Variants in ADCY2 observed in about 807,000 individuals in gnomAD.
ADCY2 encodes the protein adenylate cyclase type 2.
In ADCY2, 31 loss-of-function variants were observed where a neutral mutation model predicts 125.2. That is an observed-to-expected ratio of 0.25 (90% CI 0.19 to 0.33). The LOEUF (loss-of-function observed/expected upper bound fraction) is 0.33. Ranked by LOEUF, ADCY2 falls within the 10% of genes least tolerant of loss-of-function variation. The pLI, the probability that ADCY2 is intolerant of heterozygous loss-of-function variation, is 1.00. For missense variants in ADCY2, 904 were observed against 1,418.2 expected (o/e 0.64, Z 5.82); for synonymous variants, 512 against 548.4 (o/e 0.93, Z 0.93).
At chr5:7,620,966 C>G (rs1035873602) in intron 3 of ADCY2, among the ~76,000 whole-genome samples, 4 of 151,950 alleles carry the variant, frequency 2.6e-5, no homozygotes, top group African/African-American at 9.7e-5. Flanking sequence ...TGCCCTCAGC[C>G]TGCAGGGTGC....
intron 4 of ADCY2, among the ~76,000 whole-genome samples, chr5:7,689,816 T>C (rs1182027425): frequency 6.6e-6 from 1 of 152,216 alleles, no homozygotes; most frequent in Non-Finnish European, 1.5e-5. Flanking sequence ...TGAATATCAG[T>C]TGCTAAACTC....
chr5:7,703,927 A>G (rs543056349), intron 7 of ADCY2, among the ~76,000 whole-genome samples: 1 of 151,532 alleles, frequency 6.6e-6, no homozygotes, highest in Non-Finnish European at 1.5e-5. Flanking sequence ...ACTTGAACCC[A>G]GGAGATGGAA....
intron 22 of ADCY2, among the ~76,000 whole-genome samples, chr5:7,806,607 GAGAGAGAGAGACAGAGAC>G (rs1197606691): frequency 6.6e-6 from 1 of 152,196 alleles, no homozygotes; most frequent in Non-Finnish European, 1.5e-5. Context: ...GGAGGGGAGA[GAGAGAGAGAGACAGAGAC>G]AGAGAGAGAG....
chr5:7,533,166 G>T (rs1370153071), intron 3 of ADCY2, among the ~76,000 whole-genome samples: 2 of 150,830 alleles, frequency 1.3e-5, no homozygotes, highest in Non-Finnish European at 3.0e-5. Context: ...TATTTTTCCT[G>T]TGAAAATATT....
At chr5:7,772,839 A>C in intron 17 of ADCY2, 93 bp from the exon 18 acceptor site, 1 of 1,240,070 alleles carries the variant, frequency 8.1e-7, no homozygotes, top group South Asian at 1.4e-5. Flanking sequence ...TATGTTGACC[A>C]GATGAGATGG....
At chr5:7,693,115 C>T (rs775675881) in intron 5 of ADCY2, among the ~76,000 whole-genome samples, 2 of 152,164 alleles carry the variant, frequency 1.3e-5, no homozygotes, top group African/African-American at 2.4e-5. Flanking sequence ...CAATGCCCCC[C>T]ACAACATCAA....
At chr5:7,570,788 T>C (rs888117496) in intron 3 of ADCY2, among the ~76,000 whole-genome samples, 1 of 152,176 alleles carries the variant, frequency 6.6e-6, no homozygotes, top group African/African-American at 2.4e-5. Flanking sequence ...AAATATTGTA[T>C]TGGTTTAACT....
At chr5:7,768,773 G>A (rs1743470953) in intron 17 of ADCY2, among the ~76,000 whole-genome samples, 1 of 152,214 alleles carries the variant, frequency 6.6e-6, no homozygotes, top group Non-Finnish European at 1.5e-5. Flanking sequence ...CTCAAATCTA[G>A]GTGGGATTTA....
intron 1 of ADCY2, among the ~76,000 whole-genome samples, chr5:7,397,457 T>TTG (rs1554005040): frequency 2.6e-4 from 38 of 145,984 alleles, no homozygotes; most frequent in African/African-American, 6.9e-4. Flanking sequence ...TTTTTTTTTT[T>TTG]TTTTTTTTTT....
intron 1 of ADCY2, among the ~76,000 whole-genome samples, chr5:7,399,185 T>C (rs962351915): frequency 6.6e-6 from 1 of 152,152 alleles, no homozygotes; most frequent in Admixed American, 6.5e-5. Context: ...TTCCTTTTTT[T>C]CCCCCTGAAT....
At position 7,589,506 on chromosome 5, in the gene ADCY2, G is replaced by GAAAGAAAAGAAAAGA. The variant is rs398108564; in HGVS notation, c.571-36658_571-36644dup. Among the ~76,000 whole-genome samples the GAAAGAAAAGAAAAGA allele has an allele frequency of 5.9e-3, 550 of 93,784 alleles. 8 individuals are homozygous for GAAAGAAAAGAAAAGA. The highest frequency in any genetic ancestry group is 0.019 in the African/African-American group (520 of 27,950). 61.5% of individuals were successfully genotyped at this position (93,784 alleles called of 152,430 possible). On this transcript the variant is annotated intron_variant, in intron 3 of 24. Transcript: ENST00000338316. ...AGAAAGAAAGAAAGAAAGAAAGAAAGAAAGAAAAGAAAAGAAAGAGAAAGA... is the reference window on the plus strand; with the variant it reads ...AGAAAGAAAGAAAGAAAGAAAGAAAGAAAGAAAAGAAAAGAAAAGAAAAGAAAAGAAAGAGAAAGA...
At chr5:7,498,395 C>T (rs762303942) in intron 2 of ADCY2, among the ~76,000 whole-genome samples, 2 of 151,474 alleles carry the variant, frequency 1.3e-5, no homozygotes, top group African/African-American at 2.4e-5. Flanking sequence ...ACTACAGGCG[C>T]CCCCCACCGC....
At chr5:7,698,640 T>G (rs1296353956) in intron 7 of ADCY2, among the ~76,000 whole-genome samples, 1 of 152,200 alleles carries the variant, frequency 6.6e-6, no homozygotes, top group Non-Finnish European at 1.5e-5. Context: ...ATGCGGTATT[T>G]GGTTTTCTGT....
intron 11 of ADCY2, among the ~76,000 whole-genome samples, chr5:7,716,089 A>G (rs1453504102): frequency 2.0e-5 from 3 of 152,214 alleles, no homozygotes; most frequent in Admixed American, 1.3e-4. Flanking sequence ...GCAAATTGTC[A>G]AATTAACCTT....
At chr5:7,751,548 A>G (rs957863698) in intron 15 of ADCY2, among the ~76,000 whole-genome samples, 8 of 152,104 alleles carry the variant, frequency 5.3e-5, no homozygotes, top group African/African-American at 1.7e-4. Flanking sequence ...CAACCCTTCA[A>G]TTTGGAATTC....
rs77855484 is a variant in ADCY2, at chr5:7,758,521, G to A, written c.2094+935G>A. Among the ~76,000 whole-genome samples the A allele has an allele frequency of 5.6e-4, 86 of 152,288 alleles. No individual in the cohort carries two copies. The East Asian group carries it at 9.4e-3, about 17-fold the overall frequency. ...TATATTATTTCATAATAATAACGTC[G>A]TTTTTATAAAGTAGAAAGCATTCAT... On this transcript the variant is annotated intron_variant, in intron 16 of 24. Transcript: ENST00000338316.
intron 3 of ADCY2, among the ~76,000 whole-genome samples, chr5:7,551,036 T>TA (rs1735320856): frequency 1.1e-5 from 1 of 91,102 alleles, no homozygotes; most frequent in Admixed American, 9.9e-5. Flanking sequence ...CTCCCTCCCT[T>TA]CCTCCCTTCC....
Position 7,414,717 on chromosome 5 carries a change from G to A in ADCY2, c.355G>A (p.Ala119Thr), listed in dbSNP as rs1413470317. The part of the protein sequence containing the change: ...FSLVIWICLV[A>T]MGYLFMCFGG... ...GTTGGTGATATGGATATGCCTTGTT[G>A]CCATGGGATACCTGTTCATGTGTTT... Residue 119 changes from alanine to threonine, a missense_variant, in exon 2 of 25, where the codon GCC becomes ACC. Coordinates refer to ENST00000338316, the MANE Select transcript of ADCY2 (RefSeq NM_020546.3). The A allele has an allele frequency of 6.2e-7, 1 of 1,613,770 alleles. No individual in the cohort carries two copies.
chr5:7,803,384 G>A (rs1266961253), intron 21 of ADCY2, among the ~76,000 whole-genome samples: 2 of 152,184 alleles, frequency 1.3e-5, no homozygotes, highest in African/African-American at 2.4e-5. Context: ...CCAAGGGAGG[G>A]GCAAGAAAAC....
Sources: gnomAD v4.1 joint callset for allele counts (sites outside exome capture counted in the v4.1 genomes callset) on GRCh38, gnomAD v4.1.1 for gene constraint, MANE v1.5 for transcripts, NCBI Gene and HGNC (gene_info 2026-07-23, HGNC 2026-07-21) for gene names.